PDE10A: variants seen among roughly 807,000 people sequenced by gnomAD.
PDE10A encodes cAMP and cAMP-inhibited cGMP 3',5'-cyclic phosphodiesterase 10A.
PDE10A carries 39 observed loss-of-function variants against 97.7 expected under a neutral mutation model. That is an observed-to-expected ratio of 0.40 (90% CI 0.31 to 0.52). The LOEUF is 0.52. Ranked by LOEUF, PDE10A falls within the 20% of genes least tolerant of loss-of-function variation. The pLI is 0.56. For synonymous variants in PDE10A, 371 were observed against 376.8 expected (o/e 0.98, Z 0.18); for missense variants, 731 against 1,047.8 (o/e 0.70, Z 4.17).
At chr6:165,795,747 T>C (rs968587702) in intron 1 of PDE10A, among the ~76,000 whole-genome samples, 3 of 151,684 alleles carry the variant, frequency 2.0e-5, no homozygotes, top group African/African-American at 7.3e-5. Flanking sequence ...AGAGAAAAAC[T>C]CCATCTCAAA....
chr6:165,545,077 G>A (rs1474195258), intron 1 of PDE10A: 1 of 449,230 alleles, frequency 2.2e-6, no homozygotes, highest in East Asian at 6.8e-5. Context: ...CCTTTGAGAA[G>A]ACAGATAATG....
chr6:165,435,242 G>A lies in PDE10A; in HGVS notation c.1330C>T (p.Leu444Phe). The A allele has an allele frequency of 6.2e-7, 1 of 1,613,132 alleles. No homozygotes were observed. The highest frequency in any genetic ancestry group is 8.5e-7 in the Non-Finnish European group (1 of 1,179,520). Residue 444 changes from leucine (L) to phenylalanine (F), a missense_variant, in exon 6 of 22, where the codon CTT (leucine) becomes TTT (phenylalanine). Coordinates refer to ENST00000539869, the MANE Select transcript of PDE10A (RefSeq NM_001385079.1). ...SRKTLLVEDI[L>F]GDERFPRGTG... ...AGAATCAAAAAGCCACTTACTCCAA[G>A]GATGTCTTCTACTAGCAGTGTTTTC...
chr6:165,922,509 T>C (rs918419176), intron 1 of PDE10A, among the ~76,000 whole-genome samples: 4 of 152,226 alleles, frequency 2.6e-5, no homozygotes, highest in African/African-American at 9.6e-5. Context: ...ATTTTGATAG[T>C]TGAGATATTC....
At chr6:165,680,169 A>G (rs1314677774) in intron 1 of PDE10A, among the ~76,000 whole-genome samples, 1 of 152,186 alleles carries the variant, frequency 6.6e-6, no homozygotes, top group Non-Finnish European at 1.5e-5. Flanking sequence ...CTCTTAAGGA[A>G]CTTAACATCT....
At chr6:165,871,489 T>C (rs1201792796) in intron 1 of PDE10A, among the ~76,000 whole-genome samples, 4 of 152,192 alleles carry the variant, frequency 2.6e-5, no homozygotes, top group African/African-American at 9.7e-5. Context: ...AGGGGAACTC[T>C]GGTCCTTCAA....
At chr6:165,797,822 CTT>C (rs1778869701) in intron 1 of PDE10A, among the ~76,000 whole-genome samples, 1 of 152,150 alleles carries the variant, frequency 6.6e-6, no homozygotes, top group Non-Finnish European at 1.5e-5. Flanking sequence ...GCAAATGTCT[CTT>C]GTTTCTAAGC....
chr6:165,552,377 G>T (rs1784060182), intron 1 of PDE10A, among the ~76,000 whole-genome samples: 1 of 152,162 alleles, frequency 6.6e-6, no homozygotes. Context: ...TTTGGCTCTG[G>T]GGGTGTTCCC....
At chr6:165,547,141 A>G (rs1239214627) in intron 1 of PDE10A, among the ~76,000 whole-genome samples, 1 of 152,168 alleles carries the variant, frequency 6.6e-6, no homozygotes, top group Non-Finnish European at 1.5e-5. Context: ...GCAATTGTGT[A>G]TATTTGAACG....
intron 1 of PDE10A, among the ~76,000 whole-genome samples, chr6:165,802,560 G>A (rs770616354): frequency 6.6e-6 from 1 of 152,194 alleles, no homozygotes; most frequent in East Asian, 1.9e-4. Flanking sequence ...GCCAGGCTGC[G>A]TGCGGCCTGA....
chr6:165,850,469 G>A (rs1044857853), intron 1 of PDE10A, among the ~76,000 whole-genome samples: 6 of 152,180 alleles, frequency 3.9e-5, no homozygotes, highest in African/African-American at 1.4e-4. Context: ...TAGCTGAGGA[G>A]TATATTGTAC....
intron 1 of PDE10A, chr6:165,781,227 C>G (rs1583079013): frequency 6.6e-6 from 1 of 152,216 alleles, no homozygotes; most frequent in Admixed American, 6.5e-5. Context: ...CTTGCCAGAA[C>G]CAAGGGCCAT....
intron 21 of PDE10A, among the ~76,000 whole-genome samples, chr6:165,334,117 C>T (rs1230406919): frequency 2.0e-5 from 3 of 152,124 alleles, no homozygotes; most frequent in African/African-American, 4.8e-5. Context: ...CCTTGGACAC[C>T]GATGATACAT....
At chr6:165,443,375 C>A (rs1250309702) in intron 5 of PDE10A, among the ~76,000 whole-genome samples, 1 of 152,200 alleles carries the variant, frequency 6.6e-6, no homozygotes, top group Non-Finnish European at 1.5e-5. Context: ...TGTCTCACAT[C>A]CAGTGCATGC....
At chr6:165,688,927 CT>C (rs529185994) in intron 1 of PDE10A, among the ~76,000 whole-genome samples, 49 of 151,976 alleles carry the variant, frequency 3.2e-4, no homozygotes, top group Non-Finnish European at 6.6e-4. Context: ...CAAAGCATGC[CT>C]TGTTATATTG....
At chr6:165,540,068 G>T (rs1783337560) in intron 2 of PDE10A, among the ~76,000 whole-genome samples, 1 of 152,172 alleles carries the variant, frequency 6.6e-6, no homozygotes, top group Non-Finnish European at 1.5e-5. Flanking sequence ...TTCACTTGGA[G>T]GTTTAGTATT....
chr6:165,650,330 T>TCC (rs748356107), intron 1 of PDE10A, among the ~76,000 whole-genome samples: 3 of 152,156 alleles, frequency 2.0e-5, no homozygotes, highest in Non-Finnish European at 4.4e-5. Context: ...CTGAAAAGTC[T>TCC]CCCCACAACT....
At chr6:165,517,975 G>A (rs911087511) in intron 2 of PDE10A, among the ~76,000 whole-genome samples, 1 of 152,082 alleles carries the variant, frequency 6.6e-6, no homozygotes, top group African/African-American at 2.4e-5. Context: ...CCCATTTTAG[G>A]TATGAGAAGC....
chr6:165,657,090 G>A (rs1395958803), intron 1 of PDE10A, among the ~76,000 whole-genome samples: 1 of 152,218 alleles, frequency 6.6e-6, no homozygotes, highest in Non-Finnish European at 1.5e-5. Flanking sequence ...CTCTATGTGT[G>A]TCAGCCACTG....
At chr6:165,425,718 T>C (rs1214453126) in intron 10 of PDE10A, among the ~76,000 whole-genome samples, 1 of 151,208 alleles carries the variant, frequency 6.6e-6, no homozygotes, top group African/African-American at 2.4e-5. Flanking sequence ...AGAAAACACA[T>C]CTGGATTAGA....
Sources: gnomAD v4.1 joint callset for allele counts (sites outside exome capture counted in the v4.1 genomes callset) on GRCh38, gnomAD v4.1.1 for gene constraint, MANE v1.5 for transcripts, NCBI Gene and HGNC (gene_info 2026-07-23, HGNC 2026-07-21) for gene names.